MYH10: variants seen among roughly 807,000 people sequenced by gnomAD.
The protein encoded by MYH10 is myosin heavy chain 10, also known as myosin-10.
In MYH10, 55 loss-of-function variants were observed where a neutral mutation model predicts 257.8. The ratio of observed to expected loss-of-function variants is 0.21; its 90% CI spans 0.17 to 0.27. The LOEUF (loss-of-function observed/expected upper bound fraction) is 0.27. Among genes scored for constraint, MYH10 ranks in the 10% least tolerant of loss-of-function variants. The probability of loss-of-function intolerance (pLI) is 1.00; values close to 1 mark genes in which losing one functional copy is unlikely to be tolerated. For missense variants in MYH10, 1,631 were observed against 2,500.6 expected (o/e 0.65, Z 7.42); for synonymous variants, 854 against 921.7 (o/e 0.93, Z 1.33).
chr17:8,548,523 G>A (rs1006872189), intron 10 of MYH10, 115 bp from the exon 11 acceptor site: 1 of 1,420,256 alleles, frequency 7.0e-7, no homozygotes, highest in Non-Finnish European at 9.6e-7. Context: ...AGTAAGACAT[G>A]TCTTTTCAGG....
chr17:8,561,766 C>G (rs1179135725), intron 7 of MYH10, among the ~76,000 whole-genome samples: 2 of 152,130 alleles, frequency 1.3e-5, no homozygotes, highest in African/African-American at 4.8e-5. Context: ...ATGCAACACT[C>G]TATTCCTCAT....
rs985042683 is a variant in MYH10, at chr17:8,504,170, A to C, written c.3599+524T>G. On this transcript the variant is annotated intron_variant, in intron 28 of 42. Coordinates refer to ENST00000360416, the MANE Select transcript of MYH10 (RefSeq NM_001256012.3). This position sits in a 1 kb window ranked among gnomAD's most constrained non-coding sequence, Gnocchi z 5.6. ...TGCCCGCCCTGGCTGCTGGCTCATG[A>C]TGCTGCATATGCCTCTGCCCACTGC... Among the ~76,000 whole-genome samples the C allele has an allele frequency of 4.6e-5, 7 of 152,066 alleles. No individual in the cohort carries two copies. Among genetic ancestry groups the C allele is most frequent in the Non-Finnish European group, 8.8e-5 (6 of 68,002 alleles).
intron 25 of MYH10, among the ~76,000 whole-genome samples, chr17:8,509,244 T>C (rs11655746): frequency 0.05 from 7,675 of 152,338 alleles, 274 homozygotes; most frequent in Middle Eastern, 0.079. Flanking sequence ...TTCAGGACAG[T>C]AACATGCTGT....
At chr17:8,478,135 C>T (rs568141735) in intron 41 of MYH10, among the ~76,000 whole-genome samples, 1 of 152,328 alleles carries the variant, frequency 6.6e-6, no homozygotes, top group East Asian at 1.9e-4. Context: ...CCAGGCCTCA[C>T]TGAACTTGCT....
chr17:8,526,457 G>A (rs1317917226), intron 17 of MYH10, among the ~76,000 whole-genome samples: 3 of 152,148 alleles, frequency 2.0e-5, no homozygotes, highest in Non-Finnish European at 4.4e-5. Context: ...TATCTGAGAT[G>A]TCAGGAGACC....
Position 8,602,938 on chromosome 17 carries a change from T to G in MYH10, c.502+1888A>C, listed in dbSNP as rs193165701. On this transcript the variant is annotated intron_variant, in intron 3 of 42. Transcript: ENST00000360416. Reference sequence around the variant, plus strand: ...TAAATGTTTATTCTAGCACTAAAAATGATATTAATAATATGATATGCTGAT... The same window carrying G: ...TAAATGTTTATTCTAGCACTAAAAAGGATATTAATAATATGATATGCTGAT... Among the ~76,000 whole-genome samples the G allele has an allele frequency of 3.1e-4, 47 of 152,302 alleles. 2 individuals carry two copies. The highest frequency in any genetic ancestry group is 3.1e-3 in the Admixed American group (47 of 15,296).
rs375330015 is a variant in MYH10, at chr17:8,513,604, C to T, written c.2679G>A (p.Leu893=). The change falls in exon 23 of 43, where the codon TTG becomes TTA. Residue 893 remains leucine, a synonymous_variant. Coordinates refer to ENST00000360416, the MANE Select transcript of MYH10 (RefSeq NM_001256012.3). ...EELQAKDEEL[L]KVKEKQTKVE... is the part of the protein sequence containing the mutation. ...CCTTCGTCTGCTTCTCCTTCACCTT[C>T]AACAGCTCTTCATCTTTGGCCTGAA... The T allele has an allele frequency of 1.6e-4, 256 of 1,614,168 alleles. 1 individual carries two copies. The East Asian group carries it at 4.9e-3, about 31-fold the overall frequency.
At chr17:8,589,868 G>A (rs977276389) in intron 3 of MYH10, among the ~76,000 whole-genome samples, 29 of 152,172 alleles carry the variant, frequency 1.9e-4, no homozygotes, top group African/African-American at 6.5e-4. Context: ...TCACTTATGA[G>A]TATTACTATC....
rs1597764876 is a variant in MYH10, at chr17:8,535,645, T to C, written c.1779+113A>G. 1.6e-6 allele frequency: 2 copies of C among 1,254,500 alleles called. No individual in the cohort carries two copies. The highest frequency in any genetic ancestry group is 2.2e-6 in the Non-Finnish European group (2 of 892,514). The allele number at this position is 1,254,500 out of a possible 1,614,324, so 77.7% of individuals were successfully genotyped here. On this transcript the variant is annotated intron_variant, in intron 15 of 42. Coordinates refer to ENST00000360416, the MANE Select transcript of MYH10 (RefSeq NM_001256012.3). The surrounding 1 kb of genome is among the most constrained non-coding windows in gnomAD (Gnocchi z 4.3). ...TGAAAGACAATATGTTTGTAATATATACTGTATTTGTTTATAAATGTTTAT... is the reference window on the plus strand; with the variant it reads ...TGAAAGACAATATGTTTGTAATATACACTGTATTTGTTTATAAATGTTTAT...
intron 40 of MYH10, 34 bp downstream of exon 40, chr17:8,480,075 GT>G: frequency 6.2e-7 from 1 of 1,606,606 alleles, no homozygotes. Flanking sequence ...AGCCTAGTTG[GT>G]AAGTTTTGGT....
intron 5 of MYH10, 48 bp from the exon 6 acceptor site, chr17:8,576,720 T>C (rs1237014506): frequency 1.3e-6 from 2 of 1,536,998 alleles, no homozygotes; most frequent in African/African-American, 1.4e-5. Context: ...GTTTGAGTCT[T>C]TGCCTAGCAG....
At chr17:8,581,399 G>C (rs2083700389) in intron 4 of MYH10, among the ~76,000 whole-genome samples, 1 of 151,932 alleles carries the variant, frequency 6.6e-6, no homozygotes, top group African/African-American at 2.4e-5. Flanking sequence ...ATATAGTTAT[G>C]ATTGTTACTT....
chr17:8,498,486 T>C (rs763633009), intron 30 of MYH10, among the ~76,000 whole-genome samples: 3 of 152,110 alleles, frequency 2.0e-5, no homozygotes, highest in Non-Finnish European at 2.9e-5. Flanking sequence ...AGACATGGAT[T>C]TTTCGGGTCT....
chr17:8,478,462 C>T lies in MYH10; in HGVS notation c.5598-16G>A. 1 of 1,611,242 alleles carries T rather than the reference C, an allele frequency of 6.2e-7. No homozygotes were observed. The highest frequency in any genetic ancestry group is 8.5e-7 in the Non-Finnish European group (1 of 1,177,718). ...TGCTCGTTCCCTGTGAAAGTGGTCACAGTAGTTTTGAAATTCTTGAAATGG... is the reference window on the plus strand; with the variant it reads ...TGCTCGTTCCCTGTGAAAGTGGTCATAGTAGTTTTGAAATTCTTGAAATGG... On this transcript the variant is annotated splice_polypyrimidine_tract_variant and intron_variant, in intron 40 of 42. Coordinates refer to ENST00000360416, the MANE Select transcript of MYH10 (RefSeq NM_001256012.3).
At chr17:8,595,504 C>G (rs2084333016) in intron 3 of MYH10, among the ~76,000 whole-genome samples, 1 of 149,390 alleles carries the variant, frequency 6.7e-6, no homozygotes, top group African/African-American at 2.5e-5. Flanking sequence ...GTGATCTCCG[C>G]TCACTGCAAC....
intron 21 of MYH10, among the ~76,000 whole-genome samples, chr17:8,514,607 G>A (rs1215646868): frequency 6.6e-6 from 1 of 151,960 alleles, no homozygotes; most frequent in African/African-American, 2.4e-5. Flanking sequence ...CTCTCCTTCA[G>A]GAACACAGAA....
chr17:8,530,125 C>G (rs908866719), intron 17 of MYH10, among the ~76,000 whole-genome samples: 1 of 152,124 alleles, frequency 6.6e-6, no homozygotes, highest in Non-Finnish European at 1.5e-5. Context: ...AATGATGAGA[C>G]CAACACACCT....
At chr17:8,577,202 A>G in intron 5 of MYH10, 34 bp downstream of exon 5, 1 of 1,503,640 alleles carries the variant, frequency 6.7e-7, no homozygotes. Context: ...TAAAAGAAGA[A>G]GAAGATTTAA....
intron 6 of MYH10, among the ~76,000 whole-genome samples, chr17:8,574,649 C>T (rs566963604): frequency 4.3e-4 from 66 of 152,182 alleles, no homozygotes; most frequent in Non-Finnish European, 8.7e-4. Flanking sequence ...TTCATACTAC[C>T]GTTTAGTGAT....
Sources: gnomAD v4.1 joint callset for allele counts (sites outside exome capture counted in the v4.1 genomes callset) on GRCh38, gnomAD v4.1.1 for gene constraint, Gnocchi (gnomAD v3.1) non-coding constraint, MANE v1.5 for transcripts, NCBI Gene and HGNC (gene_info 2026-07-23, HGNC 2026-07-21) for gene names.